SDHB: variants seen among roughly 807,000 people sequenced by gnomAD.
The protein encoded by SDHB is succinate dehydrogenase [ubiquinone] iron-sulfur subunit, mitochondrial.
A neutral mutation model predicts 39.7 loss-of-function variants in SDHB; 21 were observed. That is an observed-to-expected ratio of 0.53 (90% CI 0.37 to 0.76). The LOEUF is 0.76. Among genes scored for constraint, SDHB ranks in the 30% least tolerant of loss-of-function variants. The pLI is 0.00. For missense variants in SDHB, 343 were observed against 350.9 expected (o/e 0.98, Z 0.18); for synonymous variants, 118 against 117.0 (o/e 1.01, Z -0.06).
intron 3 of SDHB, among the ~76,000 whole-genome samples, chr1:17,030,866 G>C (rs762642241): frequency 1.2e-4 from 18 of 151,940 alleles, no homozygotes; most frequent in Non-Finnish European, 1.9e-4. Flanking sequence ...ATTTTTAGTA[G>C]AGACGGGGTT....
At position 17,022,934 on chromosome 1, in the gene SDHB, C is replaced by T. The variant is rs12094223; in HGVS notation, c.643-204G>A. The stretch of plus-strand genomic sequence containing the variant: ...CACTTGATTAATGGTCCCTGCAAAC[C>T]TTTGATCCATACTGCACCTGGTACC... On this transcript the variant is annotated intron_variant, in intron 6 of 7. Coordinates refer to ENST00000375499, the MANE Select transcript of SDHB (RefSeq NM_003000.3). 492 of 613,572 alleles carry T rather than the reference C, an allele frequency of 8.0e-4. 4 individuals are homozygous for T. The African/African-American group carries it at 8.2e-3, about 10-fold the overall frequency. 38.0% of individuals were successfully genotyped at this position (613,572 alleles called of 1,614,324 possible).
chr1:17,020,946 G>C (rs548910830), intron 7 of SDHB, among the ~76,000 whole-genome samples: 1 of 152,322 alleles, frequency 6.6e-6, no homozygotes, highest in South Asian at 2.1e-4. Flanking sequence ...CACACAGTGT[G>C]ATCTTTTTTT....
chr1:17,030,346 T>G (rs2078015855), intron 3 of SDHB, among the ~76,000 whole-genome samples: 1 of 152,180 alleles, frequency 6.6e-6, no homozygotes, highest in Non-Finnish European at 1.5e-5. Context: ...GAGGTAAGGC[T>G]TCTTCTATTG....
intron 1 of SDHB, among the ~76,000 whole-genome samples, chr1:17,047,348 G>A (rs559140186): frequency 6.6e-5 from 10 of 151,450 alleles, no homozygotes; most frequent in South Asian, 4.2e-4. Flanking sequence ...AGAGTGAGAC[G>A]CTGTTTCAAA....
chr1:17,034,054 C>T (rs761212844), intron 2 of SDHB, among the ~76,000 whole-genome samples: 17 of 152,278 alleles, frequency 1.1e-4, no homozygotes, highest in South Asian at 8.3e-4. Flanking sequence ...TTCTGGTTGC[C>T]ACCCTGCCCC....
chr1:17,041,405 C>T (rs1426712881), intron 2 of SDHB, among the ~76,000 whole-genome samples: 1 of 152,134 alleles, frequency 6.6e-6, no homozygotes, highest in African/African-American at 2.4e-5. Flanking sequence ...CGCGGTGGCT[C>T]ATGCCTGTAA....
chr1:17,044,113 G>C (rs1425010775), intron 2 of SDHB, among the ~76,000 whole-genome samples: 1 of 151,954 alleles, frequency 6.6e-6, no homozygotes. Context: ...TCCATTCAAG[G>C]CAAGTTTCTG....
intron 6 of SDHB, 116 bp downstream of exon 6, chr1:17,023,857 G>T: frequency 1.3e-6 from 1 of 758,762 alleles, no homozygotes; most frequent in South Asian, 1.4e-5. Context: ...TGGACTGGAT[G>T]GCAATGAAGG....
intron 3 of SDHB, among the ~76,000 whole-genome samples, chr1:17,031,798 G>A (rs2078024906): frequency 6.6e-6 from 1 of 152,060 alleles, no homozygotes; most frequent in Non-Finnish European, 1.5e-5. Flanking sequence ...CTCTGCTTTT[G>A]TTTTATCCCA....
Position 17,028,735 on chromosome 1 carries a change from G to A in SDHB, c.288C>T (p.Gly96=), listed in dbSNP as rs757123577. ...TGTTCATTGCACAAGAGCCACAGAT[G>A]CCTGAAAGAGACACACATTTAACAC... ...TLTFRRSCRE[G]ICGSCAMNIN... The change falls in exon 4 of 8, where the codon GGC becomes GGT. Residue 96 remains glycine, a splice_region_variant and synonymous_variant. Coordinates refer to ENST00000375499, the MANE Select transcript of SDHB (RefSeq NM_003000.3). The A allele has an allele frequency of 1.2e-6, 2 of 1,613,910 alleles. No individual in the cohort carries two copies. The highest frequency in any genetic ancestry group is 1.7e-5 in the Admixed American group (1 of 60,016).
At chr1:17,028,489 A>T in intron 4 of SDHB, 111 bp downstream of exon 4, 1 of 1,101,070 alleles carries the variant, frequency 9.1e-7, no homozygotes, top group Non-Finnish European at 1.4e-6. Context: ...TGACTAGAAG[A>T]GGAGCCTTAA....
chr1:17,036,058 C>G (rs2078048872), intron 2 of SDHB, among the ~76,000 whole-genome samples: 1 of 151,850 alleles, frequency 6.6e-6, no homozygotes, highest in Non-Finnish European at 1.5e-5. Context: ...ACATAGATAC[C>G]AAAATTGTTT....
Position 17,023,956 on chromosome 1 carries a change from A to G in SDHB, c.642+17T>C, listed in dbSNP as rs200597595. ...TTGAGTTTCAATTTCTCTTAAAGCA[A>G]TTAAGGAGCACCTCACCTGCATAAG... On this transcript the variant is annotated intron_variant, in intron 6 of 7. Transcript: ENST00000375499. 402 of 1,584,092 alleles carry G rather than the reference A, an allele frequency of 2.5e-4. No individual in the cohort carries two copies. Among genetic ancestry groups the G allele is most frequent in the Non-Finnish European group, 3.2e-4 (372 of 1,153,448 alleles).
chr1:17,027,378 G>C (rs1322495233), intron 5 of SDHB, among the ~76,000 whole-genome samples: 1 of 152,246 alleles, frequency 6.6e-6, no homozygotes, highest in East Asian at 1.9e-4. Context: ...GACGGTGGTA[G>C]TTACAACTGG....
intron 2 of SDHB, among the ~76,000 whole-genome samples, chr1:17,042,036 A>G: frequency 6.6e-6 from 1 of 151,582 alleles, no homozygotes; most frequent in East Asian, 2.0e-4. Flanking sequence ...ATTCTCCCCC[A>G]TTAGCCTCCC....
chr1:17,037,576 C>A (rs949819503), intron 2 of SDHB, among the ~76,000 whole-genome samples: 3 of 152,122 alleles, frequency 2.0e-5, no homozygotes, highest in African/African-American at 7.2e-5. Flanking sequence ...TGTGCCTTAG[C>A]CTTCCAAGAA....
intron 2 of SDHB, among the ~76,000 whole-genome samples, chr1:17,035,192 A>C (rs1267966177): frequency 2.6e-5 from 4 of 152,222 alleles, no homozygotes; most frequent in Non-Finnish European, 5.9e-5. Flanking sequence ...TGTTTACATT[A>C]ATAAAGGTGG....
intron 7 of SDHB, 128 bp downstream of exon 7, chr1:17,022,480 G>C (rs1352422559): frequency 2.3e-6 from 3 of 1,289,904 alleles, no homozygotes; most frequent in Non-Finnish European, 3.3e-6. Context: ...TGAAAGGACA[G>C]GCATATGCTG....
chr1:17,027,387 G>T (rs2077996642), intron 5 of SDHB, among the ~76,000 whole-genome samples: 1 of 152,160 alleles, frequency 6.6e-6, no homozygotes, highest in Non-Finnish European at 1.5e-5. Flanking sequence ...AGTTACAACT[G>T]GCCAGCATAT....
Sources: allele counts gnomAD v4.1 joint callset (sites outside exome capture counted in the v4.1 genomes callset), GRCh38; gene constraint gnomAD v4.1.1; transcripts MANE v1.5; gene names NCBI Gene and HGNC (gene_info 2026-07-23, HGNC 2026-07-21).